Variants in BMPR1B observed in about 807,000 individuals in gnomAD.
The protein encoded by BMPR1B is bone morphogenetic protein receptor type 1B.
In BMPR1B, 12 loss-of-function variants were observed where a neutral mutation model predicts 59.1. The observed-to-expected ratio is 0.20, with a 90% CI of 0.13 to 0.33. The LOEUF is 0.33. BMPR1B is among the 10% of genes least tolerant of loss of function. The pLI is 1.00. For missense variants in BMPR1B, 550 were observed against 610.9 expected, an observed-to-expected ratio of 0.90 and a Z score of 1.05; for synonymous variants, 237 against 207.3, an observed-to-expected ratio of 1.14 and a Z score of -1.23.
chr4:94,768,535 C>T (rs189783917), intron 1 of BMPR1B, among the ~76,000 whole-genome samples: 1 of 152,102 alleles, frequency 6.6e-6, no homozygotes, highest in East Asian at 1.9e-4. Flanking sequence ...CTCACTTTTG[C>T]ACTTAATCAA....
At chr4:95,068,749 C>T (rs1350585744) in intron 3 of BMPR1B, among the ~76,000 whole-genome samples, 1 of 152,148 alleles carries the variant, frequency 6.6e-6, no homozygotes, top group Admixed American at 6.6e-5. Flanking sequence ...TGTTATTTCA[C>T]AACCCCAGTC....
intron 2 of BMPR1B, among the ~76,000 whole-genome samples, chr4:94,936,084 G>A (rs182755296): frequency 6.6e-6 from 1 of 152,292 alleles, no homozygotes; most frequent in Non-Finnish European, 1.5e-5. Context: ...AGTCAGAAAA[G>A]AGTGCTTCTA....
At chr4:94,933,851 A>G (rs947762074) in intron 2 of BMPR1B, among the ~76,000 whole-genome samples, 5 of 152,138 alleles carry the variant, frequency 3.3e-5, no homozygotes, top group African/African-American at 1.2e-4. Flanking sequence ...TGCTGTAAAA[A>G]CATTTCACTG....
intron 2 of BMPR1B, among the ~76,000 whole-genome samples, chr4:94,975,377 T>TTTC (rs1730989012): frequency 6.8e-6 from 1 of 147,976 alleles, no homozygotes; most frequent in Non-Finnish European, 1.5e-5. Context: ...TTTTTTTTTT[T>TTTC]TTTTGAGACG....
chr4:94,919,761 T>C (rs1446768339), intron 2 of BMPR1B, among the ~76,000 whole-genome samples: 1 of 152,194 alleles, frequency 6.6e-6, no homozygotes, highest in Non-Finnish European at 1.5e-5. Flanking sequence ...GCTCTTGATA[T>C]GGGAATGGGG....
At chr4:94,867,492 C>G (rs1726293634) in intron 1 of BMPR1B, among the ~76,000 whole-genome samples, 1 of 152,184 alleles carries the variant, frequency 6.6e-6, no homozygotes, top group South Asian at 2.1e-4. Flanking sequence ...CTGAGTTCTT[C>G]TACTCCTCTT....
At chr4:94,766,462 T>C (rs2110563193) in intron 1 of BMPR1B, among the ~76,000 whole-genome samples, 1 of 151,734 alleles carries the variant, frequency 6.6e-6, no homozygotes, top group South Asian at 2.1e-4. Flanking sequence ...AATGAATGCT[T>C]TCCTTCACTA....
chr4:94,878,041 C>G (rs1726800560), intron 2 of BMPR1B, among the ~76,000 whole-genome samples: 1 of 152,078 alleles, frequency 6.6e-6, no homozygotes, highest in Non-Finnish European at 1.5e-5. Flanking sequence ...TTTAATGGCT[C>G]TATCATCTTG....
At chr4:94,829,558 C>A (rs1250610480) in intron 1 of BMPR1B, among the ~76,000 whole-genome samples, 1 of 152,146 alleles carries the variant, frequency 6.6e-6, no homozygotes, top group Non-Finnish European at 1.5e-5. Flanking sequence ...AGCCATGGCA[C>A]CTGGCCTTCA....
At chr4:94,898,210 C>G (rs1727664976) in intron 2 of BMPR1B, among the ~76,000 whole-genome samples, 1 of 151,952 alleles carries the variant, frequency 6.6e-6, no homozygotes, top group Non-Finnish European at 1.5e-5. Context: ...CCTCAGCCTC[C>G]CAAGGGGCTG....
chr4:94,789,868 A>AT (rs1722908877), intron 1 of BMPR1B, among the ~76,000 whole-genome samples: 1 of 152,040 alleles, frequency 6.6e-6, no homozygotes, highest in South Asian at 2.1e-4. Context: ...TGATAGGTGG[A>AT]TTTTCTGCCT....
chr4:94,812,013 G>A (rs1280477851), intron 1 of BMPR1B, among the ~76,000 whole-genome samples: 1 of 152,198 alleles, frequency 6.6e-6, no homozygotes, highest in African/African-American at 2.4e-5. Flanking sequence ...AAAATTTTAT[G>A]TTGTAGAAAT....
intron 1 of BMPR1B, among the ~76,000 whole-genome samples, chr4:94,837,853 G>T (rs1332234451): frequency 2.1e-5 from 3 of 143,504 alleles, no homozygotes; most frequent in Admixed American, 6.9e-5. Context: ...CAAAGGGAAT[G>T]CTTCCAGTTT....
At chr4:95,009,163 C>G (rs12512478) in intron 3 of BMPR1B, among the ~76,000 whole-genome samples, 67,724 of 152,046 alleles carry the variant, frequency 0.45, 15,605 homozygotes, top group East Asian at 0.72. Context: ...TGAAGCAACA[C>G]GAACTCTCAT....
intron 3 of BMPR1B, among the ~76,000 whole-genome samples, chr4:95,080,247 T>C (rs979088265): frequency 6.6e-6 from 1 of 152,206 alleles, no homozygotes; most frequent in Admixed American, 6.5e-5. Flanking sequence ...CATATGTACG[T>C]ATGTATGTAT....
intron 3 of BMPR1B, among the ~76,000 whole-genome samples, chr4:95,063,098 T>G (rs1727522311): frequency 6.6e-6 from 1 of 152,178 alleles, no homozygotes; most frequent in East Asian, 1.9e-4. Context: ...TTATTATTTC[T>G]CTGCTTTTAA....
chr4:94,807,770 T>C (rs928940463), intron 1 of BMPR1B, among the ~76,000 whole-genome samples: 2 of 152,180 alleles, frequency 1.3e-5, no homozygotes, highest in Non-Finnish European at 2.9e-5. Context: ...CTGCAACCTC[T>C]TCCTCCCGGG....
chr4:94,971,695 A>G (rs575088307), intron 2 of BMPR1B, among the ~76,000 whole-genome samples: 35 of 152,070 alleles, frequency 2.3e-4, no homozygotes, highest in Non-Finnish European at 4.4e-4. Context: ...TTAAGCATCT[A>G]GTATCTTCAT....
chr4:95,054,214 C>A (rs932897882), intron 3 of BMPR1B, among the ~76,000 whole-genome samples: 3 of 152,094 alleles, frequency 2.0e-5, no homozygotes, highest in African/African-American at 7.2e-5. Context: ...GCACTTCCAC[C>A]TCAAGTGGCA....
Sources: allele counts gnomAD v4.1 joint callset (sites outside exome capture counted in the v4.1 genomes callset), GRCh38; gene constraint gnomAD v4.1.1; transcripts MANE v1.5; gene names NCBI Gene and HGNC (gene_info 2026-07-23, HGNC 2026-07-21).